Variants in ATP5F1B observed in about 807,000 individuals in gnomAD.
ATP5F1B encodes ATP synthase F1 subunit beta, also known as ATP synthase F(1) complex subunit beta, mitochondrial.
A neutral mutation model predicts 45.9 loss-of-function variants in ATP5F1B; 17 were observed. The ratio of observed to expected loss-of-function variants is 0.37; its 90% CI spans 0.25 to 0.56. The LOEUF (loss-of-function observed/expected upper bound fraction) is 0.56. Ranked by LOEUF, ATP5F1B falls within the 20% of genes least tolerant of loss-of-function variation. The pLI, the probability that ATP5F1B is intolerant of heterozygous loss-of-function variation, is 0.80. For synonymous variants in ATP5F1B, 218 were observed against 256.5 expected (o/e 0.85, Z 1.43); for missense variants, 387 against 673.2 (o/e 0.57, Z 4.70).
intron 7 of ATP5F1B, 36 bp from the exon 8 acceptor site, chr12:56,640,228 TA>T: frequency 6.6e-7 from 1 of 1,519,948 alleles, no homozygotes; most frequent in Non-Finnish European, 8.9e-7. Flanking sequence ...GGAACCAAAG[TA>T]AATTTTTTTT....
chr12:56,642,356 G>T, intron 7 of ATP5F1B, 102 bp downstream of exon 7: 1 of 1,513,394 alleles, frequency 6.6e-7, no homozygotes, highest in Non-Finnish European at 9.0e-7. Context: ...TGATCTCTTG[G>T]GCTCAAGCAA....
intron 5 of ATP5F1B, 160 bp from the exon 6 acceptor site, chr12:56,642,991 A>C: frequency 1.4e-6 from 1 of 734,376 alleles, no homozygotes. Context: ...AGTTCAAAAA[A>C]AAAAGACAGC....
In ATP5F1B at chr12:56,645,840, G is replaced by T. The variant is rs771811291; in HGVS notation, c.124C>A (p.Pro42Thr). 8 of 1,608,594 alleles carry T rather than the reference G, an allele frequency of 5.0e-6. No individual in the cohort carries two copies. The highest frequency in any genetic ancestry group is 3.4e-6 in the Non-Finnish European group (4 of 1,177,714). Reference protein sequence around the residue: ...LLRAAPTAVHPVRDYAAQTSP... With the variant: ...LLRAAPTAVHTVRDYAAQTSP... ...GCTCCTAGAGAAAAGCACTTACCAGGATGGACCGCCGTCGGAGCGGCCCGC... is the reference window on the plus strand; with the variant it reads ...GCTCCTAGAGAAAAGCACTTACCAGTATGGACCGCCGTCGGAGCGGCCCGC... Residue 42 changes from proline to threonine, a missense_variant, in exon 1 of 10, where the codon CCT (proline) becomes ACT (threonine). Coordinates refer to ENST00000262030, the MANE Select transcript of ATP5F1B (RefSeq NM_001686.4).
rs1422197318 is a variant in ATP5F1B, at chr12:56,645,249, C to T, written c.232G>A (p.Gly78Arg). Residue 78 changes from glycine (G) to arginine (R), a missense_variant, in exon 2 of 10, where the codon GGA (glycine) becomes AGA (arginine). Coordinates refer to ENST00000262030, the MANE Select transcript of ATP5F1B (RefSeq NM_001686.4). ...GAVVDVQFDE[G>R]LPPILNALEV... ...AGGGCATTTAGAATTGGTGGTAGTC[C>T]CTCATCAAACTGGACGTCCACCACT... 5 of 1,614,100 alleles carry T rather than the reference C, an allele frequency of 3.1e-6. No individual in the cohort carries two copies. Among genetic ancestry groups the T allele is most frequent in the Non-Finnish European group, 4.2e-6 (5 of 1,180,032 alleles).
At position 56,638,252 on chromosome 12, in the gene ATP5F1B, A is replaced by C; in HGVS notation, c.*71T>G. 3 of 1,275,910 alleles carry C rather than the reference A, an allele frequency of 2.4e-6. No homozygotes were observed. The highest frequency in any genetic ancestry group is 1.9e-5 in the Admixed American group (1 of 51,504). The allele number at this position is 1,275,910 out of a possible 1,614,324, so 79.0% of individuals were successfully genotyped here. A position where few individuals can be genotyped will look rare whatever the true frequency, so the allele number is the denominator to read the frequency against. On this transcript the variant is annotated 3_prime_UTR_variant, in exon 10 of 10. Coordinates refer to ENST00000262030, the MANE Select transcript of ATP5F1B (RefSeq NM_001686.4). ...ATATCTTCAATCAAGGCTCTTGTGCAGCCTACACAGAAAAATGAAGCTTTT... is the reference window on the plus strand; with the variant it reads ...ATATCTTCAATCAAGGCTCTTGTGCCGCCTACACAGAAAAATGAAGCTTTT...
Position 56,639,268 on chromosome 12 carries a change from T to C in ATP5F1B, c.1327A>G (p.Met443Val), listed in dbSNP as rs1951494631. The C allele has an allele frequency of 2.5e-6, 4 of 1,613,882 alleles. No homozygotes were observed. Among genetic ancestry groups the C allele is most frequent in the Admixed American group, 1.7e-5 (1 of 60,006 alleles). ...TTGTCTTCCTCAGAAAGTTCATCCATACCCAGGATGGCAATGATATCCTGG... is the reference window on the plus strand; with the variant it reads ...TTGTCTTCCTCAGAAAGTTCATCCACACCCAGGATGGCAATGATATCCTGG... ...SLQDIIAILG[M>V]DELSEEDKLT... The change falls in exon 9 of 10, where the codon ATG becomes GTG. Residue 443 changes from methionine to valine, a missense_variant. Coordinates refer to ENST00000262030, the MANE Select transcript of ATP5F1B (RefSeq NM_001686.4).
chr12:56,642,898 C>A, intron 5 of ATP5F1B, 67 bp from the exon 6 acceptor site: 2 of 1,545,224 alleles, frequency 1.3e-6, no homozygotes, highest in East Asian at 2.3e-5. Context: ...TGAAGGTTCC[C>A]AAATCGGAGA....
intron 9 of ATP5F1B, among the ~76,000 whole-genome samples, chr12:56,638,872 G>A (rs572731025): frequency 5.9e-5 from 9 of 152,218 alleles, no homozygotes; most frequent in Non-Finnish European, 1.0e-4. Context: ...CTCCAGCCTG[G>A]GCGACAGAGA....
chr12:56,645,104 G>A, intron 2 of ATP5F1B, 67 bp downstream of exon 2: 2 of 1,608,842 alleles, frequency 1.2e-6, no homozygotes, highest in African/African-American at 1.3e-5. Flanking sequence ...ATAGAAGGCA[G>A]ACAGCTTGGT....
chr12:56,644,372 C>G (rs1951535100), intron 3 of ATP5F1B, among the ~76,000 whole-genome samples: 1 of 120,844 alleles, frequency 8.3e-6, no homozygotes. Flanking sequence ...CTTTGGGGGG[C>G]CGAGGTGGGG....
intron 1 of ATP5F1B, 42 bp from the exon 2 acceptor site, chr12:56,645,395 G>C: frequency 6.3e-7 from 1 of 1,575,134 alleles, no homozygotes; most frequent in Non-Finnish European, 8.6e-7. Flanking sequence ...GGTCAGGCCA[G>C]TTAAAGGTCA....
At chr12:56,644,462 T>G (rs1951536077) in intron 3 of ATP5F1B, among the ~76,000 whole-genome samples, 1 of 151,898 alleles carries the variant, frequency 6.6e-6, no homozygotes, top group South Asian at 2.1e-4. Flanking sequence ...AATACAAAAA[T>G]TAGCCGGGCA....
chr12:56,639,413 T>G, intron 8 of ATP5F1B, 106 bp from the exon 9 acceptor site: 1 of 1,023,594 alleles, frequency 9.8e-7, no homozygotes, highest in East Asian at 2.6e-5. Context: ...GGTGGTGTTA[T>G]GAGGGCCCTC....
chr12:56,639,530 T>C (rs1951496715), intron 8 of ATP5F1B: 1 of 535,666 alleles, frequency 1.9e-6, no homozygotes, highest in African/African-American at 1.9e-5. Flanking sequence ...TCCCACCACT[T>C]TGGGAGGCCA....
rs1163126969 is a variant in ATP5F1B at position 56,643,914 on chromosome 12, C to G, written c.530G>C (p.Ser177Thr). The change falls in exon 4 of 10, where the codon AGT (serine) becomes ACT (threonine). Residue 177 changes from serine to threonine, a missense_variant. Physicochemically the swap from Ser to Thr is moderately conservative, Grantham distance 58. Coordinates refer to ENST00000262030, the MANE Select transcript of ATP5F1B (RefSeq NM_001686.4). The stretch of plus-strand genomic sequence containing the variant: ...AGTCACCAGAATTTCCTGCTCAACA[C>G]TCATTTCCATGAACTCTGGAGCCTC... ...HAEAPEFMEMSVEQEILVTGI... is the reference protein window; with the variant it reads ...HAEAPEFMEMTVEQEILVTGI... The G allele has an allele frequency of 6.2e-7, 1 of 1,614,112 alleles. No homozygotes were observed. Among genetic ancestry groups the G allele is most frequent in the Non-Finnish European group, 8.5e-7 (1 of 1,180,042 alleles).
chr12:56,645,945 G>C lies in ATP5F1B; in HGVS notation c.19C>G (p.Arg7Gly). 6.2e-7 allele frequency: 1 copy of C among 1,605,062 alleles called. No individual in the cohort carries two copies. The highest frequency in any genetic ancestry group is 8.5e-7 in the Non-Finnish European group (1 of 1,176,548). The change falls in exon 1 of 10, where the codon CGG becomes GGG. Residue 7 changes from arginine (R) to glycine (G), a missense_variant. Transcript: ENST00000262030. Reference protein sequence around the residue: MLGFVGRVAAAPASGAL... With the variant: MLGFVGGVAAAPASGAL... ...CCGGAGGCCGGAGCAGCGGCCACCC[G>C]ACCCACAAACCCCAACATGGCGTAG...
intron 8 of ATP5F1B, 61 bp downstream of exon 8, chr12:56,639,919 A>C (rs1212628117): frequency 6.5e-7 from 1 of 1,548,384 alleles, no homozygotes; most frequent in African/African-American, 1.4e-5. Context: ...GTCCTCATAT[A>C]GTCCCCACAG....
chr12:56,641,637 G>A (rs958911423), intron 7 of ATP5F1B, among the ~76,000 whole-genome samples: 2 of 151,268 alleles, frequency 1.3e-5, no homozygotes, highest in African/African-American at 4.9e-5. Flanking sequence ...TGCAACCTCC[G>A]CCTCCCAGGT....
intron 5 of ATP5F1B, 49 bp downstream of exon 5, chr12:56,643,354 A>C (rs368703914): frequency 1.3e-6 from 2 of 1,489,254 alleles, no homozygotes; most frequent in Non-Finnish European, 1.8e-6. Context: ...AGTTGGCAAT[A>C]GTTTCCTGGC....
Sources: allele counts gnomAD v4.1 joint callset (sites outside exome capture counted in the v4.1 genomes callset), GRCh38; gene constraint gnomAD v4.1.1; transcripts MANE v1.5; gene names NCBI Gene and HGNC (gene_info 2026-07-23, HGNC 2026-07-21).